The following ARHGEF38 variants were observed in gnomAD, a reference collection of about 807,000 sequenced individuals.
ARHGEF38 encodes Rho guanine nucleotide exchange factor (GEF) 38.
A neutral mutation model predicts 79.9 loss-of-function variants in ARHGEF38; 79 were observed. That is an observed-to-expected ratio of 0.99 (90% confidence interval 0.82 to 1.19). The LOEUF is 1.19. ARHGEF38 is among the 50% of genes most tolerant of loss of function. The pLI is 0.00. For synonymous variants in ARHGEF38, 366 were observed against 328.3 expected, an observed-to-expected ratio of 1.11 and a Z score of -1.24; for missense variants, 962 against 907.2, an observed-to-expected ratio of 1.06 and a Z score of -0.78.
chr4:105,638,567 A>G (rs1434689475), intron 5 of ARHGEF38, among the ~76,000 whole-genome samples: 1 of 152,142 alleles, frequency 6.6e-6, no homozygotes, highest in Non-Finnish European at 1.5e-5. Context: ...CATTGCAAAA[A>G]AAGGAAAATA....
intron 13 of ARHGEF38, among the ~76,000 whole-genome samples, chr4:105,670,632 C>G (rs1730927478): frequency 6.6e-6 from 1 of 151,870 alleles, no homozygotes; most frequent in Non-Finnish European, 1.5e-5. Flanking sequence ...TTCTTATTAC[C>G]CTTCTGTCTT....
chr4:105,669,661 A>G (rs758446007), intron 13 of ARHGEF38, among the ~76,000 whole-genome samples: 7 of 152,148 alleles, frequency 4.6e-5, no homozygotes, highest in African/African-American at 1.7e-4. Flanking sequence ...TAAGTGTACA[A>G]TCATGACTTT....
intron 1 of ARHGEF38, among the ~76,000 whole-genome samples, chr4:105,573,158 T>C (rs904486269): frequency 2.0e-5 from 3 of 152,216 alleles, no homozygotes; most frequent in African/African-American, 7.2e-5. Context: ...TTATCAGATA[T>C]ACAAATATTT....
rs1352534031 is a variant in ARHGEF38, at chr4:105,578,940, T to A, written c.197-10308T>A. Among the ~76,000 whole-genome samples, 8 of 152,208 alleles carry A rather than the reference T, an allele frequency of 5.3e-5. No homozygotes were observed. In the East Asian group the frequency reaches 1.5e-3, roughly 29 times the overall value. On this transcript the variant is annotated intron_variant, in intron 1 of 13. Transcript: ENST00000420470. ...GTGAGGTATAGTTTCATTTATCATG[T>A]CATTGTTACCTAGATACTTTCAGTT...
At chr4:105,668,662 GTAGATAGATAGA>G (rs10608366) in intron 13 of ARHGEF38, among the ~76,000 whole-genome samples, 437 of 149,030 alleles carry the variant, frequency 2.9e-3, no homozygotes, top group African/African-American at 8.1e-3. Flanking sequence ...ATGTATATGT[GTAGATAGATAGA>G]TAGATAGATA....
chr4:105,557,196 T>C (rs1302028170), intron 1 of ARHGEF38, among the ~76,000 whole-genome samples: 1 of 152,124 alleles, frequency 6.6e-6, no homozygotes, highest in Non-Finnish European at 1.5e-5. Flanking sequence ...ACTGTGTCTG[T>C]GCATATGCAG....
At chr4:105,574,329 C>T (rs995453646) in intron 1 of ARHGEF38, among the ~76,000 whole-genome samples, 3 of 151,948 alleles carry the variant, frequency 2.0e-5, no homozygotes, top group South Asian at 4.1e-4. Flanking sequence ...GGGTGGATCC[C>T]GGGGTCAGGA....
At chr4:105,612,683 A>G (rs1728341966) in intron 2 of ARHGEF38, among the ~76,000 whole-genome samples, 1 of 152,136 alleles carries the variant, frequency 6.6e-6, no homozygotes, top group South Asian at 2.1e-4. Flanking sequence ...TCTACTAACC[A>G]ATCACTACCT....
intron 2 of ARHGEF38, among the ~76,000 whole-genome samples, chr4:105,590,265 C>G (rs1727276613): frequency 6.6e-6 from 1 of 151,930 alleles, no homozygotes; most frequent in Non-Finnish European, 1.5e-5. Flanking sequence ...AAGGAGGTAA[C>G]AGAATGGTCC....
intron 8 of ARHGEF38, among the ~76,000 whole-genome samples, chr4:105,654,457 C>T (rs1730240998): frequency 6.6e-6 from 1 of 152,166 alleles, no homozygotes. Flanking sequence ...TTCTTTGCAA[C>T]AGAGATGAGT....
chr4:105,603,868 A>C lies in ARHGEF38; in HGVS notation c.385-9516A>C, dbSNP rs895665223. 8.5e-5 allele frequency among the ~76,000 whole-genome samples: 13 copies of C among 152,180 alleles called. 1 individual carries two copies. The highest frequency in any genetic ancestry group is 8.5e-4 in the Admixed American group (13 of 15,266). On this transcript the variant is annotated intron_variant, in intron 2 of 13. Transcript: ENST00000420470. ...AGGTGACTTTGAAACAGTTCACTGA[A>C]CTTTCCTTTGCAAGTTCTGCATATG...
At chr4:105,631,804 T>C in intron 4 of ARHGEF38, 1 of 574,760 alleles carries the variant, frequency 1.7e-6, no homozygotes, top group Non-Finnish European at 2.2e-6. Context: ...TGCAGTTTCC[T>C]ATCACATGAA....
intron 13 of ARHGEF38, among the ~76,000 whole-genome samples, chr4:105,674,067 T>C (rs1050690899): frequency 2.6e-5 from 4 of 152,034 alleles, no homozygotes; most frequent in African/African-American, 9.7e-5. Context: ...TGATATTCAG[T>C]GAAGTCAGGT....
At chr4:105,616,417 C>A (rs561624119) in intron 3 of ARHGEF38, among the ~76,000 whole-genome samples, 1 of 152,150 alleles carries the variant, frequency 6.6e-6, no homozygotes, top group East Asian at 1.9e-4. Context: ...TGGCAGAAGA[C>A]AAAGGGGAAG....
intron 1 of ARHGEF38, among the ~76,000 whole-genome samples, chr4:105,555,024 T>A (rs1324579374): frequency 6.6e-6 from 1 of 152,196 alleles, no homozygotes; most frequent in Non-Finnish European, 1.5e-5. Context: ...TAATTTTTGC[T>A]ATTCACAAAT....
In ARHGEF38 at chr4:105,679,243, T is replaced by A. The variant is rs1731226747; in HGVS notation, c.*1306T>A. The A allele has an allele frequency of 5.9e-6, 4 of 677,394 alleles. No homozygotes were observed. The Admixed American group carries it at 9.7e-5, about 16-fold the overall frequency. The allele number at this position is 677,394 out of a possible 1,614,324, so 42.0% of individuals were successfully genotyped here. On this transcript the variant is annotated 3_prime_UTR_variant, in exon 14 of 14. Coordinates refer to ENST00000420470, the MANE Select transcript of ARHGEF38 (RefSeq NM_001242729.2). ...ATTAAAAGATGTTTCCATCATAATA[T>A]TCTTTAATTTCAGGTAATTTAGCTG...
Position 105,613,510 on chromosome 4 carries a change from A to G in ARHGEF38, c.508+3A>G, listed in dbSNP as rs372048247. ...GGAACCGGCCATGCAAGTAATTGGT[A>G]TGTTTATTCTCTTCTCGAGTTCTAC... is the stretch of plus-strand genomic sequence containing the variant. On this transcript the variant is annotated splice_donor_region_variant and intron_variant, in intron 3 of 13. Transcript: ENST00000420470. The G allele has an allele frequency of 6.2e-7, 1 of 1,612,218 alleles. No individual in the cohort carries two copies. The highest frequency in any genetic ancestry group is 1.3e-5 in the African/African-American group (1 of 74,840).
At chr4:105,594,247 T>G (rs1727473238) in intron 2 of ARHGEF38, among the ~76,000 whole-genome samples, 1 of 152,198 alleles carries the variant, frequency 6.6e-6, no homozygotes. Flanking sequence ...GCTGAGGTAG[T>G]TAGTTGACAC....
chr4:105,600,469 A>G (rs1051033410), intron 2 of ARHGEF38, among the ~76,000 whole-genome samples: 1 of 152,126 alleles, frequency 6.6e-6, no homozygotes, highest in East Asian at 1.9e-4. Flanking sequence ...TCAGTCTCCT[A>G]TGCTGGTTAA....
Sources: allele counts gnomAD v4.1 joint callset (sites outside exome capture counted in the v4.1 genomes callset), GRCh38; gene constraint gnomAD v4.1.1; transcripts MANE v1.5; gene names NCBI Gene and HGNC (gene_info 2026-07-23, HGNC 2026-07-21).